Variants in COX14 observed in about 807,000 individuals in gnomAD.
The protein encoded by COX14 is cytochrome c oxidase assembly factor COX14.
COX14 carries 3 observed loss-of-function variants against 5.8 expected under a neutral mutation model. The ratio of observed to expected loss-of-function variants is 0.51; its 90% confidence interval spans 0.23 to 1.33. The LOEUF (loss-of-function observed/expected upper bound fraction) is 1.33. Among genes scored for constraint, COX14 ranks in the 40% most tolerant of loss-of-function variants. COX14 has a pLI of 0.18. For missense variants in COX14, 72 were observed against 72.1 expected, an observed-to-expected ratio of 1.00 and a Z score of 0.01; for synonymous variants, 25 against 26.1, an observed-to-expected ratio of 0.96 and a Z score of 0.13.
chr12:50,116,976 C>T (rs1951085521), intron 1 of COX14, among the ~76,000 whole-genome samples: 1 of 152,202 alleles, frequency 6.6e-6, no homozygotes, highest in South Asian at 2.1e-4. Flanking sequence ...CATGTCTGAC[C>T]CCTCTAAACC....
At chr12:50,114,234 A>C (rs1428756499) in intron 1 of COX14, among the ~76,000 whole-genome samples, 3 of 151,282 alleles carry the variant, frequency 2.0e-5, no homozygotes, top group Admixed American at 6.6e-5. Flanking sequence ...AAAAAAAAAA[A>C]AAAACAGGTG....
intron 1 of COX14, among the ~76,000 whole-genome samples, chr12:50,114,418 A>G (rs1951060165): frequency 6.6e-6 from 1 of 151,634 alleles, no homozygotes; most frequent in Non-Finnish European, 1.5e-5. Flanking sequence ...CGCCTGGCTA[A>G]TTTTTGTACT....
intron 1 of COX14, among the ~76,000 whole-genome samples, chr12:50,116,027 A>G (rs1423096511): frequency 3.3e-5 from 5 of 151,980 alleles, no homozygotes; most frequent in Non-Finnish European, 5.9e-5. Flanking sequence ...TCTACTTCCA[A>G]AGTATCTTCT....
intron 1 of COX14, chr12:50,112,941 A>ATGTTATGTTATGTTATGTT (rs1951041652): frequency 6.6e-6 from 1 of 151,542 alleles, no homozygotes; most frequent in African/African-American, 2.4e-5. Context: ...ATGTTATGTT[A>ATGTTATGTTATGTTATGTT]TGTTATTTTG....
chr12:50,115,029 G>A (rs1951067894), intron 1 of COX14, among the ~76,000 whole-genome samples: 1 of 149,158 alleles, frequency 6.7e-6, no homozygotes, highest in Non-Finnish European at 1.5e-5. Context: ...ACCTCCCAAA[G>A]TGCTGGGATT....
chr12:50,113,244 T>G (rs1348227795), intron 1 of COX14, among the ~76,000 whole-genome samples: 1 of 151,860 alleles, frequency 6.6e-6, no homozygotes, highest in African/African-American at 2.4e-5. Context: ...AGCCCTGAGT[T>G]GACCACTATG....
At chr12:50,119,640 A>C (rs570501770) in intron 1 of COX14, among the ~76,000 whole-genome samples, 8 of 152,298 alleles carry the variant, frequency 5.3e-5, no homozygotes, top group African/African-American at 1.9e-4. Flanking sequence ...AGCTGCAATG[A>C]GTCATACTCA....
At chr12:50,119,740 C>T (rs1951113458) in intron 1 of COX14, among the ~76,000 whole-genome samples, 1 of 152,238 alleles carries the variant, frequency 6.6e-6, no homozygotes, top group Non-Finnish European at 1.5e-5. Context: ...ATGCCAGTCA[C>T]TTCTGTCCAC....
chr12:50,115,661 C>T (rs894177552), intron 1 of COX14, among the ~76,000 whole-genome samples: 2 of 151,930 alleles, frequency 1.3e-5, no homozygotes. Context: ...AAGCGATCCT[C>T]CAACCTCAGC....
chr12:50,113,950 T>C (rs1951055050), intron 1 of COX14, among the ~76,000 whole-genome samples: 5 of 151,496 alleles, frequency 3.3e-5, no homozygotes, highest in Admixed American at 2.6e-4. Context: ...TTATTATCAT[T>C]ATTATTATTA....
At chr12:50,114,590 C>T (rs1053641643) in intron 1 of COX14, among the ~76,000 whole-genome samples, 1 of 151,750 alleles carries the variant, frequency 6.6e-6, no homozygotes. Context: ...TAATTGTTGC[C>T]TTCTTTGAAC....
chr12:50,112,526 C>A (rs1054413850), intron 1 of COX14: 21 of 961,878 alleles, frequency 2.2e-5, no homozygotes, highest in Non-Finnish European at 2.1e-5. Context: ...CAGCGCTAAT[C>A]CTGTCAAACC....
Position 50,114,770 on chromosome 12 carries a change from ATTTTTTTTTT to A in COX14, c.-9+2491_-9+2500del, listed in dbSNP as rs71083507. ...CATGAATGTTGTGTTGAGTATCTTAATTTTTTTTTTTTTTTTTTTTTTTTTTTTTTTGAGA... is the reference window on the plus strand; with the variant it reads ...CATGAATGTTGTGTTGAGTATCTTAATTTTTTTTTTTTTTTTTTTTTGAGA... On this transcript the variant is annotated intron_variant, in intron 1 of 1. Coordinates refer to ENST00000550487, the MANE Select transcript of COX14 (RefSeq NM_032901.4). 5.7e-3 allele frequency among the ~76,000 whole-genome samples: 403 copies of A among 70,630 alleles called. 1 individual carries two copies. The highest frequency in any genetic ancestry group is 0.02 in the African/African-American group (369 of 18,466). 46.3% of individuals were successfully genotyped at this position (70,630 alleles called of 152,430 possible).
At chr12:50,115,618 T>A (rs1951074441) in intron 1 of COX14, among the ~76,000 whole-genome samples, 1 of 150,748 alleles carries the variant, frequency 6.6e-6, no homozygotes, top group South Asian at 2.1e-4. Context: ...AATGGCATGA[T>A]CTCGGCCCAC....
At chr12:50,117,190 T>A (rs1951088331) in intron 1 of COX14, among the ~76,000 whole-genome samples, 2 of 151,992 alleles carry the variant, frequency 1.3e-5, no homozygotes, top group African/African-American at 4.8e-5. Context: ...AAAAAAAAAT[T>A]TTTTTTGTGG....
At position 50,120,318 on chromosome 12, in the gene COX14, G is replaced by A; in HGVS notation, c.*101G>A. The A allele has an allele frequency of 7.9e-6, 8 of 1,009,504 alleles. No individual in the cohort carries two copies. The highest frequency in any genetic ancestry group is 1.0e-5 in the Non-Finnish European group (7 of 689,642). The allele number at this position is 1,009,504 out of a possible 1,614,324, so 62.5% of individuals were successfully genotyped here. On this transcript the variant is annotated 3_prime_UTR_variant, in exon 2 of 2. Transcript: ENST00000550487. ...GGTCAACAGGACTAGAGCGTTGATG[G>A]TTTTCAAACCCTGTTGGAAGAAAGT... is the stretch of plus-strand genomic sequence containing the variant.
chr12:50,117,894 C>T (rs569574063), intron 1 of COX14, among the ~76,000 whole-genome samples: 29 of 152,038 alleles, frequency 1.9e-4, no homozygotes, highest in Non-Finnish European at 2.4e-4. Flanking sequence ...CAGGCGCGCA[C>T]TGCCATGCCC....
At chr12:50,118,253 G>C (rs899427933) in intron 1 of COX14, among the ~76,000 whole-genome samples, 1 of 146,026 alleles carries the variant, frequency 6.8e-6, no homozygotes, top group Non-Finnish European at 1.5e-5. Context: ...CACCATGTTT[G>C]CCAGGCTGGT....
intron 1 of COX14, among the ~76,000 whole-genome samples, chr12:50,114,663 C>T (rs1411832968): frequency 6.6e-6 from 1 of 151,918 alleles, no homozygotes; most frequent in African/African-American, 2.4e-5. Flanking sequence ...CTTATTACCT[C>T]CATATGTATC....
Sources: allele counts gnomAD v4.1 joint callset (sites outside exome capture counted in the v4.1 genomes callset), GRCh38; gene constraint gnomAD v4.1.1; transcripts MANE v1.5; gene names NCBI Gene and HGNC (gene_info 2026-07-23, HGNC 2026-07-21).